The following LRRC69 variants were observed in gnomAD, a reference collection of about 807,000 sequenced individuals.
The protein encoded by LRRC69 is leucine rich repeat containing 69, also known as leucine-rich repeat-containing protein 69.
Under a neutral mutation model 37.8 loss-of-function variants are expected in LRRC69, and 42 were observed. The ratio of observed to expected loss-of-function variants is 1.11; its 90% CI spans 0.87 to 1.44. LRRC69 has a LOEUF of 1.44. Ranked by LOEUF, LRRC69 falls within the 40% of genes most tolerant of loss-of-function variation. The pLI is 0.00. For missense variants in LRRC69, 357 were observed against 401.9 expected, an observed-to-expected ratio of 0.89 and a Z score of 0.96; for synonymous variants, 141 against 143.1, an observed-to-expected ratio of 0.99 and a Z score of 0.11.
At chr8:91,195,701 A>T (rs1171453960) in intron 6 of LRRC69, among the ~76,000 whole-genome samples, 1 of 152,156 alleles carries the variant, frequency 6.6e-6, no homozygotes, top group Non-Finnish European at 1.5e-5. Context: ...TGCTTGGAAG[A>T]TCTTCCTGCA....
rs183872152 is a variant in LRRC69, at chr8:91,106,313, A to G, written c.183+3469A>G. 1.0e-3 allele frequency among the ~76,000 whole-genome samples: 155 copies of G among 152,152 alleles called. 1 individual carries two copies. The highest frequency in any genetic ancestry group is 3.6e-3 in the African/African-American group (151 of 41,574). On this transcript the variant is annotated intron_variant, in intron 1 of 7. Coordinates refer to ENST00000448384, the Ensembl canonical transcript of LRRC69. ...TTATCTTTTGAAGTAGCCTTTTATCATCATATGAAGTCCAGTTTGCCCCAA... is the reference window on the plus strand; with the variant it reads ...TTATCTTTTGAAGTAGCCTTTTATCGTCATATGAAGTCCAGTTTGCCCCAA...
At chr8:91,107,701 C>T (rs1813342030) in intron 1 of LRRC69, among the ~76,000 whole-genome samples, 1 of 151,908 alleles carries the variant, frequency 6.6e-6, no homozygotes, top group South Asian at 2.1e-4. Flanking sequence ...TACTTTAGAT[C>T]CTACTTCCAT....
intron 5 of LRRC69, among the ~76,000 whole-genome samples, chr8:91,168,273 A>G (rs1051685893): frequency 1.3e-5 from 2 of 151,836 alleles, no homozygotes; most frequent in South Asian, 4.1e-4. Context: ...GGCTTTTGGA[A>G]AAGACTGAGG....
intron 1 of LRRC69, among the ~76,000 whole-genome samples, chr8:91,121,166 G>C (rs1813613065): frequency 6.6e-6 from 1 of 151,964 alleles, no homozygotes; most frequent in South Asian, 2.1e-4. Flanking sequence ...CCACTACCTA[G>C]CTAAAGCCAT....
chr8:91,205,228 A>G (rs779987300), intron 7 of LRRC69, among the ~76,000 whole-genome samples: 1 of 152,160 alleles, frequency 6.6e-6, no homozygotes, highest in Non-Finnish European at 1.5e-5. Flanking sequence ...GTTACAGTGG[A>G]TAACACAATA....
chr8:91,134,609 C>T (rs1191508254), intron 4 of LRRC69, among the ~76,000 whole-genome samples: 1 of 151,926 alleles, frequency 6.6e-6, no homozygotes, highest in Non-Finnish European at 1.5e-5. Flanking sequence ...CACACAGACA[C>T]ACCCAAAATA....
At chr8:91,191,842 T>A (rs13274992) in intron 6 of LRRC69, among the ~76,000 whole-genome samples, 7,910 of 152,244 alleles carry the variant, frequency 0.052, 274 homozygotes, top group Middle Eastern at 0.16. Context: ...AAAGTTAATT[T>A]TTTTTTTCTT....
intron 5 of LRRC69, chr8:91,157,528 A>C: frequency 6.5e-7 from 1 of 1,531,668 alleles, no homozygotes; most frequent in African/African-American, 1.4e-5. Context: ...TTTGTTTCCT[A>C]TAGTATTTAA....
At chr8:91,131,491 A>T (rs934020671) in intron 3 of LRRC69, among the ~76,000 whole-genome samples, 37 of 152,122 alleles carry the variant, frequency 2.4e-4, no homozygotes, top group African/African-American at 8.7e-4. Flanking sequence ...CTATACCTGA[A>T]TATAATATAT....
At chr8:91,125,780 GTATC>G (rs1480909027) in intron 2 of LRRC69, among the ~76,000 whole-genome samples, 2 of 151,512 alleles carry the variant, frequency 1.3e-5, no homozygotes, top group African/African-American at 4.8e-5. Flanking sequence ...ATATATATCT[GTATC>G]TATATCTGTT....
intron 5 of LRRC69, among the ~76,000 whole-genome samples, chr8:91,165,807 T>A (rs74543983): frequency 0.052 from 7,942 of 151,864 alleles, 299 homozygotes; most frequent in Middle Eastern, 0.16. Context: ...CTGACAATAC[T>A]TATGGTTGAC....
At chr8:91,116,060 A>C (rs1327202435) in intron 1 of LRRC69, among the ~76,000 whole-genome samples, 1 of 152,056 alleles carries the variant, frequency 6.6e-6, no homozygotes, top group Non-Finnish European at 1.5e-5. Context: ...TGTTTGAAAA[A>C]ATGAGTTAGA....
chr8:91,191,162 G>T (rs1478679071), intron 6 of LRRC69, among the ~76,000 whole-genome samples: 1 of 151,310 alleles, frequency 6.6e-6, no homozygotes, highest in Non-Finnish European at 1.5e-5. Flanking sequence ...CTGGGCCAAA[G>T]AACTGACATC....
chr8:91,156,270 G>C (rs910648077), intron 5 of LRRC69, among the ~76,000 whole-genome samples: 1 of 151,022 alleles, frequency 6.6e-6, no homozygotes, highest in Non-Finnish European at 1.5e-5. Flanking sequence ...CATTCCAACT[G>C]GGATGAGATA....
intron 6 of LRRC69, among the ~76,000 whole-genome samples, chr8:91,192,831 G>C (rs1431142078): frequency 6.7e-6 from 1 of 150,114 alleles, no homozygotes; most frequent in Non-Finnish European, 1.5e-5. Context: ...CTTTTGCTGT[G>C]CAGAAGCTCT....
At chr8:91,105,648 T>G (rs1813298826) in intron 1 of LRRC69, among the ~76,000 whole-genome samples, 1 of 125,074 alleles carries the variant, frequency 8.0e-6, no homozygotes, top group Admixed American at 8.6e-5. Context: ...GGCTGCAGAG[T>G]GATTCTGTCT....
At chr8:91,200,882 A>G (rs1241887767) in intron 7 of LRRC69, 90 bp downstream of exon 7, 1 of 1,241,128 alleles carries the variant, frequency 8.1e-7, no homozygotes, top group Non-Finnish European at 1.1e-6. Flanking sequence ...CTAGATTTGT[A>G]CCTATGATTG....
chr8:91,106,689 T>C (rs1399715050), intron 1 of LRRC69, among the ~76,000 whole-genome samples: 2 of 152,038 alleles, frequency 1.3e-5, no homozygotes, highest in Non-Finnish European at 2.9e-5. Flanking sequence ...TAGTGTGAAA[T>C]TTATCAGGGT....
At chr8:91,182,340 T>G (rs185931957) in intron 5 of LRRC69, among the ~76,000 whole-genome samples, 86 of 152,262 alleles carry the variant, frequency 5.6e-4, no homozygotes, top group African/African-American at 1.8e-3. Context: ...TCATTAAATT[T>G]ATTACCTTTT....
Sources: allele counts gnomAD v4.1 joint callset (sites outside exome capture counted in the v4.1 genomes callset), GRCh38; gene constraint gnomAD v4.1.1; transcripts MANE v1.5; gene names NCBI Gene and HGNC (gene_info 2026-07-23, HGNC 2026-07-21).